The following DISC1 variants were observed in gnomAD, a reference collection of about 807,000 sequenced individuals.
The protein encoded by DISC1 is DISC1 scaffold protein.
A neutral mutation model predicts 84.5 loss-of-function variants in DISC1; 57 were observed. The ratio of observed to expected loss-of-function variants is 0.67; its 90% CI spans 0.55 to 0.84. The LOEUF (loss-of-function observed/expected upper bound fraction) is 0.84, where lower values mean the gene tolerates loss of function less well. Among genes scored for constraint, DISC1 ranks in the 40% least tolerant of loss-of-function variants. DISC1 has a pLI of 0.00. For synonymous variants in DISC1, 411 were observed against 415.2 expected (o/e 0.99, Z 0.12); for missense variants, 1,000 against 1,057.8 (o/e 0.95, Z 0.76).
At position 232,037,768 on chromosome 1, in the gene DISC1, TCAGTAA is replaced by T. The variant is rs1390293060; in HGVS notation, c.*942_*947del. ...GCAATACTCAGTAACAGTGTAGTAC[TCAGTAA>T]CAGTGAAGTACTCAGTAATACAGTA... On this transcript the variant is annotated 3_prime_UTR_variant, in exon 13 of 13. Transcript: ENST00000439617. 1 of 149,540 alleles carries T rather than the reference TCAGTAA, an allele frequency of 6.7e-6. No individual in the cohort carries two copies. The highest frequency in any genetic ancestry group is 2.0e-4 in the East Asian group (1 of 4,986). 9.3% of individuals were successfully genotyped at this position (149,540 alleles called of 1,614,324 possible). A position where few individuals can be genotyped will look rare whatever the true frequency, so the allele number is the denominator to read the frequency against.
At chr1:231,781,496 T>C (rs531633787) in intron 6 of DISC1, among the ~76,000 whole-genome samples, 12 of 152,284 alleles carry the variant, frequency 7.9e-5, no homozygotes, top group African/African-American at 2.9e-4. Context: ...AGATGAGAGA[T>C]AGTCATTTTA....
Position 232,037,765 on chromosome 1 carries a change from T to C in DISC1, c.*934T>C, listed in dbSNP as rs1161618653. On this transcript the variant is annotated 3_prime_UTR_variant, in exon 13 of 13. Transcript: ENST00000439617. ...AGTGCAATACTCAGTAACAGTGTAG[T>C]ACTCAGTAACAGTGAAGTACTCAGT... 1 of 149,760 alleles carries C rather than the reference T, an allele frequency of 6.7e-6. No homozygotes were observed. The highest frequency in any genetic ancestry group is 2.5e-5 in the African/African-American group (1 of 40,454). 9.3% of individuals were successfully genotyped at this position (149,760 alleles called of 1,614,324 possible).
At chr1:231,732,238 C>G (rs183246468) in intron 3 of DISC1, among the ~76,000 whole-genome samples, 219 of 152,306 alleles carry the variant, frequency 1.4e-3, no homozygotes, top group African/African-American at 5.0e-3. Flanking sequence ...AACTAGCTAT[C>G]TATGTGCCTA....
intron 1 of DISC1, among the ~76,000 whole-genome samples, chr1:231,628,520 C>A (rs558304126): frequency 3.7e-4 from 56 of 152,312 alleles, no homozygotes; most frequent in Non-Finnish European, 6.5e-4. Flanking sequence ...GAAATCCTCC[C>A]TGCATCTTTA....
intron 9 of DISC1, among the ~76,000 whole-genome samples, chr1:231,847,234 G>A (rs1273949506): frequency 6.6e-6 from 1 of 152,028 alleles, no homozygotes; most frequent in African/African-American, 2.4e-5. Flanking sequence ...CTTTGTGTGT[G>A]TCTGTGTCCT....
intron 3 of DISC1, among the ~76,000 whole-genome samples, chr1:231,739,451 C>T (rs941906494): frequency 2.0e-4 from 30 of 152,234 alleles, no homozygotes; most frequent in Admixed American, 6.5e-4. Context: ...AGGCTCATCA[C>T]CACGTGTGCT....
chr1:231,722,466 A>T, intron 3 of DISC1: 1 of 1,607,192 alleles, frequency 6.2e-7, no homozygotes, highest in Non-Finnish European at 8.5e-7. Context: ...AGTGCTTCAA[A>T]TACTGTTAGT....
chr1:232,040,920 G>T lies in DISC1; in HGVS notation c.*4089G>T, dbSNP rs1670758293. The T allele has an allele frequency of 6.6e-6, 1 of 152,202 alleles. No homozygotes were observed. Among genetic ancestry groups the T allele is most frequent in the South Asian group, 2.1e-4 (1 of 4,826 alleles). The allele number at this position is 152,202 out of a possible 1,614,324, so 9.4% of individuals were successfully genotyped here. A position where few individuals can be genotyped will look rare whatever the true frequency, so the allele number is the denominator to read the frequency against. The stretch of plus-strand genomic sequence containing the variant: ...TCTTGAAGATCCTCATCCAATTGGT[G>T]TTTTTCAGAAGTGTTCCAATATTAT... On this transcript the variant is annotated 3_prime_UTR_variant, in exon 13 of 13. Transcript: ENST00000439617.
chr1:231,937,932 A>G (rs2091082832), intron 9 of DISC1, among the ~76,000 whole-genome samples: 1 of 151,992 alleles, frequency 6.6e-6, no homozygotes, highest in Admixed American at 6.6e-5. Context: ...ATGGCTTTGG[A>G]AACACTTCAT....
chr1:231,872,446 C>T (rs1429878720), intron 9 of DISC1, among the ~76,000 whole-genome samples: 1 of 152,114 alleles, frequency 6.6e-6, no homozygotes, highest in Admixed American at 6.5e-5. Context: ...CTCTAGGTCC[C>T]TAAAAGACCC....
At chr1:231,772,280 C>T (rs2076609477) in intron 6 of DISC1, among the ~76,000 whole-genome samples, 1 of 152,152 alleles carries the variant, frequency 6.6e-6, no homozygotes, top group South Asian at 2.1e-4. Flanking sequence ...AGAGCTCATA[C>T]TCTCATTTCT....
chr1:231,717,316 C>A (rs989436505), intron 3 of DISC1, among the ~76,000 whole-genome samples: 3 of 152,124 alleles, frequency 2.0e-5, no homozygotes, highest in Non-Finnish European at 4.4e-5. Context: ...CTTGGCAGAA[C>A]CAAAGGGCAT....
intron 9 of DISC1, among the ~76,000 whole-genome samples, chr1:231,844,327 A>T: frequency 6.6e-6 from 1 of 152,154 alleles, no homozygotes; most frequent in Non-Finnish European, 1.5e-5. Context: ...GGTTTATTGT[A>T]GAGGATACAA....
intron 9 of DISC1, among the ~76,000 whole-genome samples, chr1:231,835,453 G>C (rs954491729): frequency 6.6e-6 from 1 of 152,188 alleles, no homozygotes; most frequent in Admixed American, 6.5e-5. Context: ...AAGGTGCTCA[G>C]TAGGGGAGCT....
At chr1:231,773,089 T>C (rs1314494989) in intron 6 of DISC1, among the ~76,000 whole-genome samples, 1 of 152,216 alleles carries the variant, frequency 6.6e-6, no homozygotes, top group Admixed American at 6.5e-5. Flanking sequence ...CCTGATGATG[T>C]AGCTAGTAAG....
At chr1:231,716,540 C>A (rs2068752688) in intron 3 of DISC1, among the ~76,000 whole-genome samples, 1 of 151,850 alleles carries the variant, frequency 6.6e-6, no homozygotes, top group Non-Finnish European at 1.5e-5. Context: ...AAATTGAAAC[C>A]CTGCTTGGGC....
chr1:231,911,780 G>C (rs149820727), intron 9 of DISC1, among the ~76,000 whole-genome samples: 5 of 152,270 alleles, frequency 3.3e-5, no homozygotes, highest in Admixed American at 2.0e-4. Flanking sequence ...TTCCAACTTG[G>C]TTCCTTTCTC....
intron 5 of DISC1, among the ~76,000 whole-genome samples, chr1:231,770,231 T>C (rs185123614): frequency 1.3e-5 from 2 of 152,272 alleles, no homozygotes; most frequent in East Asian, 3.9e-4. Flanking sequence ...TTGACCTTAA[T>C]ATTAAATGAT....
chr1:231,713,776 GGAGATATATA>G (rs2068253736), intron 3 of DISC1, among the ~76,000 whole-genome samples: 1 of 134,030 alleles, frequency 7.5e-6, no homozygotes, highest in Non-Finnish European at 1.6e-5. Context: ...TATATATATA[GGAGATATATA>G]TATAGGAGAT....
Sources: gnomAD v4.1 joint callset for allele counts (sites outside exome capture counted in the v4.1 genomes callset) on GRCh38, gnomAD v4.1.1 for gene constraint, MANE v1.5 for transcripts, NCBI Gene and HGNC (gene_info 2026-07-23, HGNC 2026-07-21) for gene names.